The following GOLIM4 variants were observed in gnomAD, a reference collection of about 807,000 sequenced individuals.
GOLIM4 encodes golgi integral membrane protein 4.
GOLIM4 carries 71 observed loss-of-function variants against 107.4 expected under a neutral mutation model. That is an observed-to-expected ratio of 0.66 (90% confidence interval 0.55 to 0.81). GOLIM4 has a LOEUF of 0.81. GOLIM4 is among the 30% of genes least tolerant of loss of function. The pLI, the probability that GOLIM4 is intolerant of heterozygous loss-of-function variation, is 0.00. For missense variants in GOLIM4, 830 were observed against 826.1 expected (o/e 1.00, Z -0.06); for synonymous variants, 327 against 294.8 (o/e 1.11, Z -1.12).
At chr3:168,083,545 C>G (rs1269382250) in intron 1 of GOLIM4, among the ~76,000 whole-genome samples, 1 of 152,102 alleles carries the variant, frequency 6.6e-6, no homozygotes, top group Non-Finnish European at 1.5e-5. Flanking sequence ...CCCTGTGAAG[C>G]TATAATTTTA....
At chr3:168,032,944 T>C (rs959936837) in intron 8 of GOLIM4, 92 bp from the exon 9 acceptor site, 1 of 939,204 alleles carries the variant, frequency 1.1e-6, no homozygotes, top group Non-Finnish European at 1.6e-6. Context: ...GGCATGGGGC[T>C]ACAACAGAAG....
At chr3:168,036,421 A>G (rs1453464693) in intron 8 of GOLIM4, among the ~76,000 whole-genome samples, 1 of 152,162 alleles carries the variant, frequency 6.6e-6, no homozygotes, top group East Asian at 1.9e-4. Context: ...GGCGCCTATA[A>G]TCCCAGCTAC....
At chr3:168,019,876 T>C (rs911488647) in intron 14 of GOLIM4, among the ~76,000 whole-genome samples, 13 of 152,160 alleles carry the variant, frequency 8.5e-5, no homozygotes, top group African/African-American at 3.1e-4. Flanking sequence ...CATGGTAAAG[T>C]TCCCTGACCT....
chr3:168,041,532 C>A, intron 5 of GOLIM4, 58 bp from the exon 6 acceptor site: 1 of 820,450 alleles, frequency 1.2e-6, no homozygotes, highest in Non-Finnish European at 2.0e-6. Context: ...GATTCTGTTT[C>A]TATTATTTTC....
intron 1 of GOLIM4, among the ~76,000 whole-genome samples, chr3:168,072,835 T>C (rs1046585740): frequency 1.3e-5 from 2 of 152,254 alleles, no homozygotes; most frequent in Admixed American, 1.3e-4. Context: ...TCAGAGAACT[T>C]ATTCTAAAGA....
At chr3:168,074,060 G>T (rs1262172619) in intron 1 of GOLIM4, among the ~76,000 whole-genome samples, 1 of 152,224 alleles carries the variant, frequency 6.6e-6, no homozygotes, top group African/African-American at 2.4e-5. Context: ...TCTGTGGGAA[G>T]CCAGCTGCCA....
At chr3:168,017,038 A>G (rs1036502951) in intron 14 of GOLIM4, among the ~76,000 whole-genome samples, 10 of 152,074 alleles carry the variant, frequency 6.6e-5, no homozygotes, top group African/African-American at 2.4e-4. Context: ...AACTTAAAGT[A>G]TAATAATAAT....
chr3:168,018,866 G>A (rs1717521316), intron 14 of GOLIM4, among the ~76,000 whole-genome samples: 1 of 151,996 alleles, frequency 6.6e-6, no homozygotes. Flanking sequence ...CGTATGGCAG[G>A]AAGAATATCT....
chr3:168,010,830 C>G lies in GOLIM4; in HGVS notation c.1861-7G>C. 6.3e-7 allele frequency: 1 copy of G among 1,589,562 alleles called. No individual in the cohort carries two copies. The highest frequency in any genetic ancestry group is 8.6e-7 in the Non-Finnish European group (1 of 1,159,026). ...CAGTCAAATCTTCCTGAACCTAAAA[C>G]AAACCACAGATATCATTTAAACACT... On this transcript the variant is annotated splice_region_variant and splice_polypyrimidine_tract_variant and intron_variant, in intron 14 of 15. Coordinates refer to ENST00000470487, the MANE Select transcript of GOLIM4 (RefSeq NM_014498.5).
At chr3:168,011,814 C>A (rs558130286) in intron 14 of GOLIM4, among the ~76,000 whole-genome samples, 8 of 132,852 alleles carry the variant, frequency 6.0e-5, no homozygotes, top group African/African-American at 1.2e-4. Context: ...GGTATTCCAA[C>A]AGACCTGCAG....
chr3:168,057,606 C>G (rs1720049291), intron 1 of GOLIM4, among the ~76,000 whole-genome samples: 1 of 152,178 alleles, frequency 6.6e-6, no homozygotes, highest in South Asian at 2.1e-4. Context: ...CCACTCACCT[C>G]CCACCAGGTC....
chr3:168,033,606 C>CAAAAAAAAAAAAAAAAAAAAA (rs61728774), intron 8 of GOLIM4, among the ~76,000 whole-genome samples: 2 of 31,306 alleles, frequency 6.4e-5, no homozygotes, highest in Non-Finnish European at 1.2e-4. Flanking sequence ...GACTCCGTCT[C>CAAAAAAAAAAAAAAAAAAAAA]AAAAAAAAAA....
Position 168,043,372 on chromosome 3 carries a change from C to T in GOLIM4, c.517+7G>A. On this transcript the variant is annotated splice_region_variant and intron_variant, in intron 5 of 15. Transcript: ENST00000470487. Reference sequence around the variant, plus strand: ...GAGATAAACTGGCTAATCAGATTTCCAAATACCTTTTAGCTTAGAAAGTTC... The same window carrying T: ...GAGATAAACTGGCTAATCAGATTTCTAAATACCTTTTAGCTTAGAAAGTTC... 1 of 1,593,734 alleles carries T rather than the reference C, an allele frequency of 6.3e-7. No homozygotes were observed. The highest frequency in any genetic ancestry group is 8.6e-7 in the Non-Finnish European group (1 of 1,169,366).
intron 5 of GOLIM4, among the ~76,000 whole-genome samples, chr3:168,042,130 G>A (rs1373358542): frequency 6.6e-6 from 1 of 152,090 alleles, no homozygotes; most frequent in Non-Finnish European, 1.5e-5. Context: ...AAACTGTTGG[G>A]GTCAGTACAG....
At chr3:168,058,094 A>G (rs545045731) in intron 1 of GOLIM4, among the ~76,000 whole-genome samples, 5 of 149,920 alleles carry the variant, frequency 3.3e-5, no homozygotes, top group South Asian at 2.1e-4. Flanking sequence ...GAATGCTGAG[A>G]AAAAAAAGAA....
At chr3:168,027,389 T>C (rs1306254316) in intron 12 of GOLIM4, among the ~76,000 whole-genome samples, 1 of 152,192 alleles carries the variant, frequency 6.6e-6, no homozygotes, top group Non-Finnish European at 1.5e-5. Context: ...TTGCCTTTTA[T>C]TCCTCCTAGC....
At chr3:168,037,747 T>C (rs78565955) in intron 7 of GOLIM4, among the ~76,000 whole-genome samples, 3,835 of 152,322 alleles carry the variant, frequency 0.025, 159 homozygotes, top group African/African-American at 0.089. Flanking sequence ...TGGATGTCTG[T>C]GTAATATTTT....
rs143594900 is a variant in GOLIM4 at position 168,055,456 on chromosome 3, A to C, written c.188-7091T>G. Among the ~76,000 whole-genome samples, 478 of 152,222 alleles carry C rather than the reference A, an allele frequency of 3.1e-3. 3 individuals carry two copies. Among genetic ancestry groups the C allele is most frequent in the African/African-American group, 0.011 (450 of 41,530 alleles). On this transcript the variant is annotated intron_variant, in intron 1 of 15. Coordinates refer to ENST00000470487, the MANE Select transcript of GOLIM4 (RefSeq NM_014498.5). ...CTGTGGAACTTTGAACTTGAGAAAG[A>C]TGATTTAGGGATCTGGTGGAAGAAA...
intron 1 of GOLIM4, among the ~76,000 whole-genome samples, chr3:168,087,090 A>C (rs901288794): frequency 1.3e-5 from 2 of 152,172 alleles, no homozygotes; most frequent in African/African-American, 2.4e-5. Flanking sequence ...GGCACCCCTC[A>C]GGCGAGTTCT....
Sources: allele counts gnomAD v4.1 joint callset (sites outside exome capture counted in the v4.1 genomes callset), GRCh38; gene constraint gnomAD v4.1.1; transcripts MANE v1.5; gene names NCBI Gene and HGNC (gene_info 2026-07-23, HGNC 2026-07-21).